Variants in SLC17A2 observed in about 807,000 individuals in gnomAD.
SLC17A2 encodes solute carrier family 17 member 2.
In SLC17A2, 38 loss-of-function variants were observed where a neutral mutation model predicts 52.1. The observed-to-expected ratio is 0.73, with a 90% CI of 0.56 to 0.96. The LOEUF (loss-of-function observed/expected upper bound fraction) is 0.96, where lower values mean the gene tolerates loss of function less well. SLC17A2 is among the 40% of genes least tolerant of loss of function. The pLI is 0.00. For missense variants in SLC17A2, 508 were observed against 583.9 expected (o/e 0.87, Z 1.34); for synonymous variants, 226 against 211.9 (o/e 1.07, Z -0.58).
At chr6:25,923,603 T>C in intron 3 of SLC17A2, 92 bp downstream of exon 3, 1 of 918,610 alleles carries the variant, frequency 1.1e-6, no homozygotes, top group Non-Finnish European at 1.7e-6. Context: ...TCATTGGAAA[T>C]GTATACTTCC....
chr6:25,917,437 C>T (rs566996098), intron 6 of SLC17A2, among the ~76,000 whole-genome samples: 7 of 152,240 alleles, frequency 4.6e-5, no homozygotes, highest in African/African-American at 1.4e-4. Context: ...TGTCTTGTTG[C>T]GGAAGATCTG....
At chr6:25,923,112 G>A (rs1405843874) in intron 3 of SLC17A2, among the ~76,000 whole-genome samples, 4 of 152,188 alleles carry the variant, frequency 2.6e-5, no homozygotes, top group East Asian at 3.9e-4. Flanking sequence ...TCTTGAACCC[G>A]GGAGGCGGAG....
At chr6:25,918,465 G>A in intron 6 of SLC17A2, 22 bp downstream of exon 6, 5 of 1,558,296 alleles carry the variant, frequency 3.2e-6, no homozygotes, top group Non-Finnish European at 3.5e-6. Flanking sequence ...GAGGCGTTAG[G>A]ATTTAAGAGA....
chr6:25,913,772 TG>T (rs1180188547), intron 11 of SLC17A2, among the ~76,000 whole-genome samples: 1 of 62,328 alleles, frequency 1.6e-5, no homozygotes, highest in Non-Finnish European at 3.2e-5. Context: ...GTGTCTTCTC[TG>T]TTTTTTTTTG....
intron 1 of SLC17A2, among the ~76,000 whole-genome samples, chr6:25,927,051 G>A (rs910095057): frequency 6.6e-6 from 1 of 152,202 alleles, no homozygotes; most frequent in Non-Finnish European, 1.5e-5. Flanking sequence ...GGGGGACAGA[G>A]CAGGAATCCG....
At position 25,923,719 on chromosome 6, in the gene SLC17A2, T is replaced by C. The variant is rs1378439752; in HGVS notation, c.216A>G (p.Ile72Met). 1.2e-6 allele frequency: 2 copies of C among 1,614,002 alleles called. No homozygotes were observed. The highest frequency in any genetic ancestry group is 2.7e-5 in the African/African-American group (2 of 74,938). The change falls in exon 3 of 12, where the codon ATA (isoleucine) becomes ATG (methionine). Residue 72 changes from isoleucine (I) to methionine (M), a missense_variant. By Grantham distance (10) the Ile-to-Met change is conservative (BLOSUM62 1). Coordinates refer to ENST00000377850, the MANE Select transcript of SLC17A2 (RefSeq NM_001286123.3). ...PVADAFNNSS[I>M]SIKEFDTKAS... The stretch of plus-strand genomic sequence containing the variant: ...CCTTTGTATCAAATTCCTTGATGGA[T>C]ATGCTGGAGTTATTGAAGGCATCTG...
intron 11 of SLC17A2, 49 bp from the exon 12 acceptor site, chr6:25,913,500 C>A (rs1360777320): frequency 1.9e-6 from 3 of 1,584,614 alleles, no homozygotes; most frequent in Non-Finnish European, 2.6e-6. Context: ...GTTCCTTCTA[C>A]ACCAGTTCTA....
rs548768003 is a variant in SLC17A2 at position 25,920,141 on chromosome 6, G to A, written c.562+865C>T. 3.9e-5 allele frequency among the ~76,000 whole-genome samples: 6 copies of A among 152,338 alleles called. No individual in the cohort carries two copies. The South Asian group carries it at 1.2e-3, about 32-fold the overall frequency. Reference sequence around the variant, plus strand: ...GCAGATAGTATTTGCAAATAGAGGAGATGGTTACAACTATGATGGAAGGAA... The same window carrying A: ...GCAGATAGTATTTGCAAATAGAGGAAATGGTTACAACTATGATGGAAGGAA... On this transcript the variant is annotated intron_variant, in intron 5 of 11. Coordinates refer to ENST00000377850, the MANE Select transcript of SLC17A2 (RefSeq NM_001286123.3).
At position 25,925,878 on chromosome 6, in the gene SLC17A2, A is replaced by G. The variant is rs1766746343; in HGVS notation, c.-82T>C. 5.9e-6 allele frequency: 8 copies of G among 1,347,986 alleles called. No homozygotes were observed. Among genetic ancestry groups the G allele is most frequent in the African/African-American group, 1.4e-5 (1 of 69,732 alleles). The allele number at this position is 1,347,986 out of a possible 1,614,324, so 83.5% of individuals were successfully genotyped here. A position where few individuals can be genotyped will look rare whatever the true frequency, so the allele number is the denominator to read the frequency against. ...ATCTCTTTTACTACGACAGTCTTTTATCTATGGAGAGAACATAATCCAAAA... is the reference window on the plus strand; with the variant it reads ...ATCTCTTTTACTACGACAGTCTTTTGTCTATGGAGAGAACATAATCCAAAA... On this transcript the variant is annotated splice_region_variant and 5_prime_UTR_variant, in exon 2 of 12. It removes the in-frame stop codon of an upstream open reading frame in the 5' UTR. Transcript: ENST00000377850.
At chr6:25,922,026 TAA>T (rs1766579764) in intron 3 of SLC17A2, among the ~76,000 whole-genome samples, 1 of 150,172 alleles carries the variant, frequency 6.7e-6, no homozygotes, top group African/African-American at 2.4e-5. Context: ...AAATAGATTT[TAA>T]AATAAATAAA....
At chr6:25,915,972 T>TA in intron 8 of SLC17A2, 104 bp from the exon 9 acceptor site, 1 of 1,098,750 alleles carries the variant, frequency 9.1e-7, no homozygotes, top group Non-Finnish European at 1.3e-6. Context: ...ATACTGTGGG[T>TA]TGTTTGGGGG....
At chr6:25,925,974 A>T in intron 1 of SLC17A2, 95 bp from the exon 2 acceptor site, 1 of 687,696 alleles carries the variant, frequency 1.5e-6, no homozygotes, top group Non-Finnish European at 2.6e-6. Flanking sequence ...TTGACCCAAC[A>T]CAGCTCTATA....
intron 1 of SLC17A2, among the ~76,000 whole-genome samples, chr6:25,929,970 G>A (rs773017503): frequency 2.6e-5 from 4 of 152,014 alleles, no homozygotes; most frequent in South Asian, 2.1e-4. Flanking sequence ...TGCACGCGCC[G>A]CTACGCCCTG....
Position 25,916,843 on chromosome 6 carries a change from T to G in SLC17A2, c.772A>C (p.Ser258Arg), listed in dbSNP as rs755350504. 8 of 1,613,988 alleles carry G rather than the reference T, an allele frequency of 5.0e-6. No individual in the cohort carries two copies. The African/African-American group carries it at 5.3e-5, about 11-fold the overall frequency. ...ATGGGGACAGCTCGTCCAGGAGAAC[T>G]GGGCTGAAAAGAAAGATCTAATCAG... ...HILSSLAQQPSSPGRAVPIKA... is the reference protein window; with the variant it reads ...HILSSLAQQPRSPGRAVPIKA... The change falls in exon 8 of 12, where the codon AGT becomes CGT. Residue 258 changes from serine (S) to arginine (R), a missense_variant. Coordinates refer to ENST00000377850, the MANE Select transcript of SLC17A2 (RefSeq NM_001286123.3).
At chr6:25,923,976 G>T in intron 2 of SLC17A2, 70 bp from the exon 3 acceptor site, 1 of 1,231,876 alleles carries the variant, frequency 8.1e-7, no homozygotes, top group Non-Finnish European at 1.2e-6. Flanking sequence ...TTCTCTCACA[G>T]CTCGATCTGA....
intron 10 of SLC17A2, among the ~76,000 whole-genome samples, chr6:25,915,278 G>A (rs1341057808): frequency 6.7e-6 from 1 of 150,272 alleles, no homozygotes; most frequent in East Asian, 1.9e-4. Flanking sequence ...GGAAGCTTGG[G>A]AAGGTTTTTG....
At chr6:25,917,229 C>A in intron 6 of SLC17A2, 142 bp from the exon 7 acceptor site, 1 of 666,262 alleles carries the variant, frequency 1.5e-6, no homozygotes, top group Non-Finnish European at 2.7e-6. Context: ...TGTTCCCATT[C>A]TTTCTTTCAA....
At chr6:25,919,052 T>A (rs919635500) in intron 5 of SLC17A2, among the ~76,000 whole-genome samples, 1 of 152,190 alleles carries the variant, frequency 6.6e-6, no homozygotes, top group Non-Finnish European at 1.5e-5. Flanking sequence ...TTTGGAAGTC[T>A]ACATTAAAAA....
intron 10 of SLC17A2, among the ~76,000 whole-genome samples, chr6:25,915,229 T>C (rs1224557614): frequency 7.0e-6 from 1 of 143,076 alleles, no homozygotes. Context: ...CACCTGTGTG[T>C]GGGCCTTTTC....
Sources: gnomAD v4.1 joint callset for allele counts (sites outside exome capture counted in the v4.1 genomes callset) on GRCh38, gnomAD v4.1.1 for gene constraint, MANE v1.5 for transcripts, NCBI Gene and HGNC (gene_info 2026-07-23, HGNC 2026-07-21) for gene names.